The following SMIM14 variants were observed in gnomAD, a reference collection of about 807,000 sequenced individuals.
SMIM14 encodes chromosome 4 open reading frame 34.
A neutral mutation model predicts 12.6 loss-of-function variants in SMIM14; 5 were observed. The ratio of observed to expected loss-of-function variants is 0.40; its 90% confidence interval spans 0.21 to 0.83. The LOEUF (loss-of-function observed/expected upper bound fraction) is 0.83, where lower values mean the gene tolerates loss of function less well. Ranked by LOEUF, SMIM14 falls within the 40% of genes least tolerant of loss-of-function variation. SMIM14 has a pLI of 0.37. For missense variants in SMIM14, 86 were observed against 119.1 expected (o/e 0.72, Z 1.29); for synonymous variants, 30 against 40.1 (o/e 0.75, Z 0.95).
chr4:39,555,223 T>A (rs1232952076), intron 4 of SMIM14, among the ~76,000 whole-genome samples: 1 of 151,628 alleles, frequency 6.6e-6, no homozygotes, highest in African/African-American at 2.4e-5. Flanking sequence ...TTAAAAGGAA[T>A]CCTTTAACAG....
intron 1 of SMIM14, among the ~76,000 whole-genome samples, chr4:39,613,576 T>C (rs1715109080): frequency 6.6e-6 from 1 of 152,202 alleles, no homozygotes. Context: ...CCACCGCACA[T>C]TTAAATCCCT....
chr4:39,587,495 CAAAAAAA>C (rs71192879), intron 2 of SMIM14, among the ~76,000 whole-genome samples: 5 of 77,340 alleles, frequency 6.5e-5, no homozygotes, highest in African/African-American at 5.2e-5. Flanking sequence ...GGCTCCATCT[CAAAAAAA>C]AAAAAAAAAA....
intron 2 of SMIM14, among the ~76,000 whole-genome samples, chr4:39,591,021 C>T (rs1714048850): frequency 1.3e-5 from 2 of 151,938 alleles, no homozygotes; most frequent in African/African-American, 4.8e-5. Flanking sequence ...GGCTTGGTTC[C>T]AGGAACCCCC....
chr4:39,605,320 AATTT>A (rs1370729294), intron 1 of SMIM14, 140 bp from the exon 2 acceptor site: 35 of 513,950 alleles, frequency 6.8e-5, no homozygotes, highest in African/African-American at 4.1e-4. Context: ...TGTATCTATT[AATTT>A]ATTATTAATC....
At position 39,572,395 on chromosome 4, in the gene SMIM14, C is replaced by T; in HGVS notation, c.124+20G>A. 1.9e-6 allele frequency: 3 copies of T among 1,550,430 alleles called. No individual in the cohort carries two copies. Among genetic ancestry groups the T allele is most frequent in the African/African-American group, 1.4e-5 (1 of 71,810 alleles). ...TTCTGCCCCCAATGCCATCCTTCCT[C>T]CTGTCTCAGTGGTACTTACATTCCT... On this transcript the variant is annotated intron_variant, in intron 3 of 4. Coordinates refer to ENST00000295958, the MANE Select transcript of SMIM14 (RefSeq NM_174921.3).
rs17438940 is a variant in SMIM14 at position 39,557,735 on chromosome 4, G to A, written c.125-1165C>T. On this transcript the variant is annotated intron_variant, in intron 3 of 4. Transcript: ENST00000295958. ...AAGGTTTAAGAACCCACAAAGCCAC[G>A]AATCCATATGAATCCAAGTTAAGAC... Among the ~76,000 whole-genome samples the A allele has an allele frequency of 6.8e-3, 1,028 of 152,094 alleles. 5 individuals carry two copies. Among genetic ancestry groups the A allele is most frequent in the Non-Finnish European group, 9.4e-3 (637 of 68,006 alleles).
intron 1 of SMIM14, among the ~76,000 whole-genome samples, chr4:39,633,873 G>A (rs528620928): frequency 4.6e-5 from 7 of 152,352 alleles, no homozygotes; most frequent in African/African-American, 1.7e-4. Flanking sequence ...CTTGAAGCCT[G>A]GTAGGCTCTC....
At chr4:39,581,732 T>C (rs1280713543) in intron 2 of SMIM14, among the ~76,000 whole-genome samples, 1 of 151,806 alleles carries the variant, frequency 6.6e-6, no homozygotes, top group Non-Finnish European at 1.5e-5. Context: ...CCTGGCTGTT[T>C]TTGTATTTTT....
At chr4:39,590,362 G>A (rs565912230) in intron 2 of SMIM14, among the ~76,000 whole-genome samples, 1 of 150,826 alleles carries the variant, frequency 6.6e-6, no homozygotes, top group East Asian at 2.0e-4. Flanking sequence ...ACGGTGACCC[G>A]AGAATGCGCC....
chr4:39,616,191 A>G (rs917032415), intron 1 of SMIM14, among the ~76,000 whole-genome samples: 2 of 152,194 alleles, frequency 1.3e-5, no homozygotes, highest in Non-Finnish European at 2.9e-5. Context: ...GCTGGAGTGC[A>G]GTGTCGCCAT....
chr4:39,611,441 G>A (rs1715027754), intron 1 of SMIM14, among the ~76,000 whole-genome samples: 1 of 151,906 alleles, frequency 6.6e-6, no homozygotes, highest in South Asian at 2.1e-4. Flanking sequence ...GGGGGGTGGA[G>A]GTTGCAGTGA....
intron 1 of SMIM14, among the ~76,000 whole-genome samples, chr4:39,610,116 A>C (rs1714970240): frequency 6.6e-6 from 1 of 152,026 alleles, no homozygotes; most frequent in African/African-American, 2.4e-5. Flanking sequence ...TCAGCCTTCC[A>C]AGTAGCTGGG....
At chr4:39,578,841 C>G (rs1361172599) in intron 2 of SMIM14, among the ~76,000 whole-genome samples, 1 of 151,682 alleles carries the variant, frequency 6.6e-6, no homozygotes, top group African/African-American at 2.4e-5. Flanking sequence ...ACTAAAAATA[C>G]AACAATTAGC....
intron 2 of SMIM14, among the ~76,000 whole-genome samples, chr4:39,596,555 C>T (rs758633751): frequency 6.6e-6 from 1 of 152,174 alleles, no homozygotes; most frequent in South Asian, 2.1e-4. Context: ...GTTTCCTTAT[C>T]TGTAAAAAGA....
chr4:39,597,447 T>TA (rs1460224916), intron 2 of SMIM14, among the ~76,000 whole-genome samples: 1 of 148,012 alleles, frequency 6.8e-6, no homozygotes, highest in East Asian at 2.0e-4. Context: ...TATTTTTTTT[T>TA]TTTTTTTTTT....
At chr4:39,561,042 T>C (rs1042807801) in intron 3 of SMIM14, among the ~76,000 whole-genome samples, 18 of 152,116 alleles carry the variant, frequency 1.2e-4, no homozygotes, top group African/African-American at 3.1e-4. Context: ...TTTTTTTCTT[T>C]TTTTTTAAAA....
At chr4:39,572,277 CTTTTTTTT>C (rs71192876) in intron 3 of SMIM14, 130 bp downstream of exon 3, 50 of 210,630 alleles carry the variant, frequency 2.4e-4, no homozygotes, top group African/African-American at 7.0e-4. Context: ...GTATGTGTCG[CTTTTTTTT>C]TTTTTTTTTT....
chr4:39,567,905 A>C (rs2110001068), intron 3 of SMIM14, among the ~76,000 whole-genome samples: 1 of 152,304 alleles, frequency 6.6e-6, no homozygotes, highest in South Asian at 2.1e-4. Context: ...ACCCTGTCTC[A>C]AAACAAAACA....
chr4:39,569,248 A>G (rs1467154122), intron 3 of SMIM14, among the ~76,000 whole-genome samples: 1 of 152,160 alleles, frequency 6.6e-6, no homozygotes, highest in African/African-American at 2.4e-5. Context: ...TATATCACCC[A>G]AATGGACTAG....
Sources: gnomAD v4.1 joint callset for allele counts (sites outside exome capture counted in the v4.1 genomes callset) on GRCh38, gnomAD v4.1.1 for gene constraint, MANE v1.5 for transcripts, NCBI Gene and HGNC (gene_info 2026-07-23, HGNC 2026-07-21) for gene names.